The following GRIN2A variants were observed in gnomAD, a reference collection of about 807,000 sequenced individuals.
GRIN2A encodes glutamate receptor ionotropic, NMDA 2A.
A neutral mutation model predicts 113.4 loss-of-function variants in GRIN2A; 22 were observed. The ratio of observed to expected loss-of-function variants is 0.19; its 90% CI spans 0.14 to 0.28. GRIN2A has a LOEUF of 0.28. GRIN2A is among the 10% of genes least tolerant of loss of function. The pLI, the probability that GRIN2A is intolerant of heterozygous loss-of-function variation, is 1.00. For missense variants in GRIN2A, 1,502 were observed against 1,887.0 expected (o/e 0.80, Z 3.78); for synonymous variants, 827 against 738.4 (o/e 1.12, Z -1.94).
In GRIN2A at chr16:10,180,609, A is replaced by T; in HGVS notation, c.-18-180T>A. 1.7e-6 allele frequency: 1 copy of T among 576,864 alleles called. No homozygotes were observed. Among genetic ancestry groups the T allele is most frequent in the Non-Finnish European group, 2.2e-6 (1 of 456,756 alleles). The allele number at this position is 576,864 out of a possible 1,614,324, so 35.7% of individuals were successfully genotyped here. ...CATCCACATCCCTCGATCCATCTCTAACTCTATCCACAACTCCAATTCGAG... is the reference window on the plus strand; with the variant it reads ...CATCCACATCCCTCGATCCATCTCTTACTCTATCCACAACTCCAATTCGAG... On this transcript the variant is annotated intron_variant, in intron 1 of 12. Transcript: ENST00000330684. The surrounding 1 kb of genome is among the most constrained non-coding windows in gnomAD (Gnocchi z 7.0).
intron 2 of GRIN2A, among the ~76,000 whole-genome samples, chr16:9,949,533 T>C (rs2045118701): frequency 6.7e-6 from 1 of 148,544 alleles, no homozygotes; most frequent in Admixed American, 6.7e-5. Flanking sequence ...AATGAACAGA[T>C]GGATGGATGG....
At chr16:9,980,813 G>A (rs2045877638) in intron 2 of GRIN2A, among the ~76,000 whole-genome samples, 1 of 121,600 alleles carries the variant, frequency 8.2e-6, no homozygotes, top group Non-Finnish European at 1.6e-5. Flanking sequence ...ACAGGAAGGG[G>A]AACATCACAC....
intron 4 of GRIN2A, among the ~76,000 whole-genome samples, chr16:9,877,486 A>G (rs1045579729): frequency 6.6e-6 from 1 of 151,998 alleles, no homozygotes; most frequent in Admixed American, 6.6e-5. Flanking sequence ...CCACCCAGAG[A>G]CCCTGGTGGC....
At chr16:9,965,112 A>C (rs945606314) in intron 2 of GRIN2A, among the ~76,000 whole-genome samples, 1 of 152,210 alleles carries the variant, frequency 6.6e-6, no homozygotes, top group Admixed American at 6.5e-5. Flanking sequence ...GTACAAACCT[A>C]GAGTTTCCAT....
At chr16:9,982,214 C>T (rs953547182) in intron 2 of GRIN2A, among the ~76,000 whole-genome samples, 1 of 152,186 alleles carries the variant, frequency 6.6e-6, no homozygotes, top group Admixed American at 6.5e-5. Flanking sequence ...ATCTAACAGG[C>T]TTATGCCCCC....
intron 2 of GRIN2A, chr16:10,112,980 A>C: frequency 3.0e-6 from 1 of 338,938 alleles, no homozygotes; most frequent in East Asian, 7.4e-5. Flanking sequence ...ACAGATTTGC[A>C]CTACGGGTTC....
At chr16:9,844,643 G>A (rs1188722218) in intron 5 of GRIN2A, among the ~76,000 whole-genome samples, 1 of 152,164 alleles carries the variant, frequency 6.6e-6, no homozygotes, top group African/African-American at 2.4e-5. Context: ...AGTATAGCCG[G>A]TGGATGTGAG....
At chr16:9,928,365 A>G (rs2044511868) in intron 3 of GRIN2A, among the ~76,000 whole-genome samples, 1 of 152,178 alleles carries the variant, frequency 6.6e-6, no homozygotes, top group African/African-American at 2.4e-5. Flanking sequence ...AGGAAAGCAA[A>G]CCAACGATAG....
intron 2 of GRIN2A, among the ~76,000 whole-genome samples, chr16:9,973,983 T>C (rs1403577418): frequency 6.6e-6 from 1 of 152,174 alleles, no homozygotes; most frequent in African/African-American, 2.4e-5. Flanking sequence ...CAGGAATTAA[T>C]GAAGAGCATT....
At chr16:9,887,084 A>G (rs1036880162) in intron 4 of GRIN2A, among the ~76,000 whole-genome samples, 5 of 152,086 alleles carry the variant, frequency 3.3e-5, no homozygotes, top group African/African-American at 9.7e-5. Flanking sequence ...ACGAGATTTC[A>G]TCATGTTGCC....
intron 3 of GRIN2A, among the ~76,000 whole-genome samples, chr16:9,925,873 A>G (rs1277373764): frequency 6.6e-6 from 1 of 152,218 alleles, no homozygotes; most frequent in Non-Finnish European, 1.5e-5. Flanking sequence ...ATTTATTTTT[A>G]AAGCAAATAT....
chr16:10,033,981 ACT>A (rs1468707753), intron 2 of GRIN2A: 5 of 152,286 alleles, frequency 3.3e-5, no homozygotes, highest in African/African-American at 9.6e-5. Context: ...ACACGGGCCC[ACT>A]CTCTCTTCTT....
At chr16:10,100,960 T>C (rs965589386) in intron 2 of GRIN2A, among the ~76,000 whole-genome samples, 1 of 152,238 alleles carries the variant, frequency 6.6e-6, no homozygotes, top group African/African-American at 2.4e-5. Flanking sequence ...CAAAAAAGAA[T>C]GTGTCATTCA....
At chr16:9,961,452 A>T (rs983198019) in intron 2 of GRIN2A, among the ~76,000 whole-genome samples, 2 of 152,218 alleles carry the variant, frequency 1.3e-5, no homozygotes, top group African/African-American at 4.8e-5. Flanking sequence ...AAGGCATGCT[A>T]TACAAGCCCA....
At chr16:9,861,352 G>T (rs1201728670) in intron 4 of GRIN2A, among the ~76,000 whole-genome samples, 1 of 152,170 alleles carries the variant, frequency 6.6e-6, no homozygotes, top group African/African-American at 2.4e-5. Flanking sequence ...CAAAGGACAT[G>T]AGATAAATGG....
At chr16:9,826,117 A>G (rs1356193258) in intron 9 of GRIN2A, among the ~76,000 whole-genome samples, 2 of 152,158 alleles carry the variant, frequency 1.3e-5, no homozygotes. Context: ...TAATCCTCCT[A>G]TCAACCTTGC....
intron 3 of GRIN2A, among the ~76,000 whole-genome samples, chr16:9,920,028 T>A (rs552640431): frequency 1.3e-4 from 20 of 152,358 alleles, no homozygotes; most frequent in African/African-American, 4.6e-4. Context: ...TCTCTTCCCA[T>A]CCCATATCAA....
chr16:10,129,431 A>T (rs1224082158), intron 2 of GRIN2A, among the ~76,000 whole-genome samples: 1 of 152,174 alleles, frequency 6.6e-6, no homozygotes, highest in East Asian at 1.9e-4. Context: ...TATAGGAGAA[A>T]ATGAAGCTGA....
intron 3 of GRIN2A, among the ~76,000 whole-genome samples, chr16:9,903,692 C>T (rs768376027): frequency 4.6e-5 from 7 of 152,188 alleles, no homozygotes; most frequent in East Asian, 1.9e-4. Flanking sequence ...TCAGGTTAGA[C>T]GCATCCTCTT....
Sources: allele counts gnomAD v4.1 joint callset (sites outside exome capture counted in the v4.1 genomes callset), GRCh38; gene constraint gnomAD v4.1.1; non-coding constraint Gnocchi (gnomAD v3.1); transcripts MANE v1.5; gene names NCBI Gene and HGNC (gene_info 2026-07-23, HGNC 2026-07-21).